CCDC85A: variants seen among roughly 807,000 people sequenced by gnomAD.
CCDC85A encodes coiled-coil domain-containing protein 85A.
Under a neutral mutation model 50.2 loss-of-function variants are expected in CCDC85A, and 38 were observed. That is an observed-to-expected ratio of 0.76 (90% CI 0.58 to 0.99). CCDC85A has a LOEUF of 0.99. Ranked by LOEUF, CCDC85A falls within the 50% of genes least tolerant of loss-of-function variation. The pLI, the probability that CCDC85A is intolerant of heterozygous loss-of-function variation, is 0.00. For missense variants in CCDC85A, 820 were observed against 742.0 expected, an observed-to-expected ratio of 1.11 and a Z score of -1.22; for synonymous variants, 366 against 301.4, an observed-to-expected ratio of 1.21 and a Z score of -2.22.
chr2:56,241,212 A>G (rs556038468), intron 2 of CCDC85A, among the ~76,000 whole-genome samples: 4 of 152,172 alleles, frequency 2.6e-5, no homozygotes, highest in South Asian at 2.1e-4. Flanking sequence ...ATATATATAC[A>G]TATGGCATAT....
intron 2 of CCDC85A, among the ~76,000 whole-genome samples, chr2:56,325,430 G>C (rs1195553028): frequency 6.6e-6 from 1 of 152,102 alleles, no homozygotes; most frequent in East Asian, 1.9e-4. Flanking sequence ...TTAGTGCATT[G>C]AGATATTTGA....
chr2:56,203,483 C>A (rs986649536), intron 2 of CCDC85A, among the ~76,000 whole-genome samples: 1 of 151,070 alleles, frequency 6.6e-6, no homozygotes, highest in South Asian at 2.1e-4. Flanking sequence ...TGGCTTTTTT[C>A]CTGTTGCAGT....
Position 56,288,542 on chromosome 2 carries a change from T to C in CCDC85A, c.1241-54337T>C, listed in dbSNP as rs115993246. Among the ~76,000 whole-genome samples the C allele has an allele frequency of 5.9e-3, 891 of 152,224 alleles. 12 individuals are homozygous for C. Among genetic ancestry groups the C allele is most frequent in the African/African-American group, 0.02 (843 of 41,540 alleles). On this transcript the variant is annotated intron_variant, in intron 2 of 5. Coordinates refer to ENST00000407595, the MANE Select transcript of CCDC85A (RefSeq NM_001080433.2). ...GCCTCAAAGAGTGTGTCTAATTAGG[T>C]ACTTTTGATGTGTGAGACATAATTA...
chr2:56,198,624 AT>A (rs1676619245), intron 2 of CCDC85A, among the ~76,000 whole-genome samples: 1 of 152,222 alleles, frequency 6.6e-6, no homozygotes, highest in Non-Finnish European at 1.5e-5. Context: ...GTTTAAGAAA[AT>A]TGCAATATAT....
At chr2:56,184,977 C>G in intron 1 of CCDC85A, 77 bp downstream of exon 1, 2 of 1,418,888 alleles carry the variant, frequency 1.4e-6, no homozygotes, top group Non-Finnish European at 1.8e-6. Context: ...GCCAGGCAAA[C>G]TTTCCCTCCC....
At chr2:56,247,246 A>T (rs1181681236) in intron 2 of CCDC85A, among the ~76,000 whole-genome samples, 2 of 152,228 alleles carry the variant, frequency 1.3e-5, no homozygotes, top group Non-Finnish European at 2.9e-5. Context: ...CAATGAAAAT[A>T]TGTTGCTTGA....
chr2:56,354,176 G>C (rs149047332), intron 3 of CCDC85A, among the ~76,000 whole-genome samples: 1 of 152,138 alleles, frequency 6.6e-6, no homozygotes, highest in African/African-American at 2.4e-5. Context: ...CATAGAAAAT[G>C]CTAAAAAGTT....
intron 2 of CCDC85A, among the ~76,000 whole-genome samples, chr2:56,276,540 A>AG (rs1190575572): frequency 9.2e-5 from 14 of 152,078 alleles, no homozygotes; most frequent in African/African-American, 3.4e-4. Flanking sequence ...TGGTTTCATG[A>AG]GGGGAAACCC....
chr2:56,300,110 C>T (rs1672133597), intron 2 of CCDC85A, among the ~76,000 whole-genome samples: 1 of 152,050 alleles, frequency 6.6e-6, no homozygotes, highest in Admixed American at 6.6e-5. Flanking sequence ...TAGGCCCTTC[C>T]AAAGCAACTG....
At chr2:56,340,876 CAAAAAAAAA>C (rs61603853) in intron 2 of CCDC85A, among the ~76,000 whole-genome samples, 1 of 58,228 alleles carries the variant, frequency 1.7e-5, no homozygotes. Context: ...AACTCCATCT[CAAAAAAAAA>C]AAAAAAAAAA....
At chr2:56,341,653 A>T (rs1445035606) in intron 2 of CCDC85A, among the ~76,000 whole-genome samples, 1 of 152,230 alleles carries the variant, frequency 6.6e-6, no homozygotes, top group African/African-American at 2.4e-5. Context: ...TTTTCCTGAC[A>T]TAAAGCCATA....
At chr2:56,280,697 GTT>G (rs1486247502) in intron 2 of CCDC85A, among the ~76,000 whole-genome samples, 1 of 152,130 alleles carries the variant, frequency 6.6e-6, no homozygotes, top group African/African-American at 2.4e-5. Context: ...TAGAGAGAGT[GTT>G]AAAAAACAAT....
intron 2 of CCDC85A, among the ~76,000 whole-genome samples, chr2:56,221,035 A>G (rs951653957): frequency 2.6e-5 from 4 of 151,732 alleles, no homozygotes; most frequent in African/African-American, 7.3e-5. Flanking sequence ...ACAAATTCCA[A>G]TTTTGTAAAA....
chr2:56,365,086 C>T (rs1675724975), intron 3 of CCDC85A, among the ~76,000 whole-genome samples: 1 of 152,160 alleles, frequency 6.6e-6, no homozygotes, highest in Non-Finnish European at 1.5e-5. Context: ...CTCTGGGCCT[C>T]ATATCCTGTG....
chr2:56,374,212 C>T (rs1340097402), intron 4 of CCDC85A, among the ~76,000 whole-genome samples: 3 of 152,150 alleles, frequency 2.0e-5, no homozygotes, highest in East Asian at 1.9e-4. Context: ...TCTACTGCTT[C>T]CTCTCCTTGT....
intron 2 of CCDC85A, among the ~76,000 whole-genome samples, chr2:56,342,106 G>T (rs940917927): frequency 5.9e-5 from 9 of 151,654 alleles, no homozygotes; most frequent in Non-Finnish European, 1.2e-4. Context: ...CAGAAGAAAA[G>T]AGTATAATTG....
chr2:56,239,188 T>C (rs528326452), intron 2 of CCDC85A, among the ~76,000 whole-genome samples: 1 of 152,098 alleles, frequency 6.6e-6, no homozygotes, highest in African/African-American at 2.4e-5. Context: ...TGAGGGTCGT[T>C]ATATGACTGC....
At chr2:56,368,250 A>T (rs747368310) in intron 3 of CCDC85A, among the ~76,000 whole-genome samples, 7 of 152,124 alleles carry the variant, frequency 4.6e-5, no homozygotes, top group Non-Finnish European at 8.8e-5. Flanking sequence ...TTTTCTTTGG[A>T]TATAACCGAC....
At chr2:56,205,417 T>C (rs2103862476) in intron 2 of CCDC85A, among the ~76,000 whole-genome samples, 1 of 148,898 alleles carries the variant, frequency 6.7e-6, no homozygotes, top group Admixed American at 6.7e-5. Flanking sequence ...ATGGAGAAGG[T>C]AGCATTAACT....
Sources: allele counts gnomAD v4.1 joint callset (sites outside exome capture counted in the v4.1 genomes callset), GRCh38; gene constraint gnomAD v4.1.1; transcripts MANE v1.5; gene names NCBI Gene and HGNC (gene_info 2026-07-23, HGNC 2026-07-21).